ZYG11B: variants seen among roughly 807,000 people sequenced by gnomAD.
ZYG11B encodes the protein protein zyg-11 homolog B.
Under a neutral mutation model 82.4 loss-of-function variants are expected in ZYG11B, and 36 were observed. The ratio of observed to expected loss-of-function variants is 0.44; its 90% CI spans 0.33 to 0.58. ZYG11B has a LOEUF of 0.58. Ranked by LOEUF, ZYG11B falls within the 20% of genes least tolerant of loss-of-function variation. ZYG11B has a pLI of 0.02. For synonymous variants in ZYG11B, 303 were observed against 312.8 expected, an observed-to-expected ratio of 0.97 and a Z score of 0.33; for missense variants, 552 against 895.6, an observed-to-expected ratio of 0.62 and a Z score of 4.90.
chr1:52,746,327 G>A (rs983527806), intron 1 of ZYG11B, among the ~76,000 whole-genome samples: 4 of 152,092 alleles, frequency 2.6e-5, no homozygotes, highest in Non-Finnish European at 5.9e-5. Context: ...ACACAATCCT[G>A]CAAACAAAAA....
chr1:52,753,090 C>A (rs1644539902), intron 1 of ZYG11B, among the ~76,000 whole-genome samples: 1 of 152,124 alleles, frequency 6.6e-6, no homozygotes, highest in Non-Finnish European at 1.5e-5. Context: ...TCATGATCCA[C>A]CCACCTCGGC....
intron 2 of ZYG11B, among the ~76,000 whole-genome samples, chr1:52,760,355 G>A (rs1179438488): frequency 2.0e-5 from 3 of 152,070 alleles, no homozygotes; most frequent in Non-Finnish European, 4.4e-5. Context: ...GAGGCAGAGA[G>A]AATTGCTTGA....
At chr1:52,817,781 A>ATATATATG (rs1645240541) in intron 13 of ZYG11B, among the ~76,000 whole-genome samples, 1 of 21,500 alleles carries the variant, frequency 4.7e-5, no homozygotes, top group Non-Finnish European at 9.4e-5. Context: ...ATATGTGTAT[A>ATATATATG]TATATATATA....
intron 13 of ZYG11B, among the ~76,000 whole-genome samples, chr1:52,819,931 T>G (rs1409708141): frequency 2.6e-5 from 4 of 151,778 alleles, no homozygotes; most frequent in Non-Finnish European, 5.9e-5. Context: ...TTTATTTTTT[T>G]TTTGAGACGG....
chr1:52,786,992 A>G (rs560681198), intron 5 of ZYG11B, among the ~76,000 whole-genome samples: 1 of 152,200 alleles, frequency 6.6e-6, no homozygotes, highest in East Asian at 1.9e-4. Context: ...CGGGAGGCTG[A>G]GGCAGGAGAA....
chr1:52,821,099 A>G (rs1645279468), intron 13 of ZYG11B, among the ~76,000 whole-genome samples: 1 of 152,124 alleles, frequency 6.6e-6, no homozygotes, highest in East Asian at 1.9e-4. Context: ...AAAAAAAAAA[A>G]AAAAGCATAG....
chr1:52,824,142 AAAATT>A lies in ZYG11B; in HGVS notation c.*2517_*2521del. The stretch of plus-strand genomic sequence containing the variant: ...ACGGAGTGAGACTCTGGGGAAAAAA[AAAATT>A]AAACTTCCTACTTTTTTTCTTTTTG... On this transcript the variant is annotated 3_prime_UTR_variant, in exon 14 of 14. Coordinates refer to ENST00000294353, the MANE Select transcript of ZYG11B (RefSeq NM_024646.3). The A allele has an allele frequency of 6.6e-6, 1 of 152,068 alleles. No individual in the cohort carries two copies. Among genetic ancestry groups the A allele is most frequent in the Non-Finnish European group, 1.5e-5 (1 of 67,992 alleles). The allele number at this position is 152,068 out of a possible 1,614,324, so 9.4% of individuals were successfully genotyped here. A position where few individuals can be genotyped will look rare whatever the true frequency, so the allele number is the denominator to read the frequency against.
At chr1:52,807,302 A>G (rs1191246778) in intron 10 of ZYG11B, among the ~76,000 whole-genome samples, 1 of 151,464 alleles carries the variant, frequency 6.6e-6, no homozygotes, top group African/African-American at 2.4e-5. Context: ...ATCCCAGCCC[A>G]ATGTGATGTT....
chr1:52,739,994 A>G (rs1644411063), intron 1 of ZYG11B, among the ~76,000 whole-genome samples: 1 of 152,210 alleles, frequency 6.6e-6, no homozygotes, highest in Non-Finnish European at 1.5e-5. Flanking sequence ...AATTTTTCAG[A>G]TAAGGAAACT....
intron 2 of ZYG11B, among the ~76,000 whole-genome samples, chr1:52,770,706 C>G (rs1391479131): frequency 6.6e-6 from 1 of 152,144 alleles, no homozygotes; most frequent in Non-Finnish European, 1.5e-5. Flanking sequence ...GCACATGGCT[C>G]CAGCTAACTC....
intron 12 of ZYG11B, among the ~76,000 whole-genome samples, chr1:52,815,218 T>TG (rs1645213359): frequency 6.6e-6 from 1 of 152,112 alleles, no homozygotes; most frequent in Non-Finnish European, 1.5e-5. Flanking sequence ...AAGGGCATAC[T>TG]GGGCCTGGCA....
chr1:52,731,120 A>G (rs981110206), intron 1 of ZYG11B, among the ~76,000 whole-genome samples: 3 of 151,986 alleles, frequency 2.0e-5, no homozygotes, highest in African/African-American at 7.2e-5. Context: ...TAAAAATGCA[A>G]AAATAAGCTG....
intron 2 of ZYG11B, among the ~76,000 whole-genome samples, chr1:52,759,193 A>G (rs1644605702): frequency 6.6e-6 from 1 of 152,168 alleles, no homozygotes; most frequent in African/African-American, 2.4e-5. Context: ...CGGCCTCCCA[A>G]AGTGCTGGGA....
intron 4 of ZYG11B, among the ~76,000 whole-genome samples, chr1:52,784,653 A>C (rs1221858328): frequency 6.6e-6 from 1 of 152,104 alleles, no homozygotes; most frequent in Admixed American, 6.6e-5. Flanking sequence ...AGATTCATTA[A>C]CTTTACAGAA....
chr1:52,780,031 A>C (rs1644842136), intron 4 of ZYG11B, 38 bp downstream of exon 4: 1 of 1,598,954 alleles, frequency 6.3e-7, no homozygotes. Context: ...TTTTGAAATG[A>C]TCTCCCTGGG....
chr1:52,731,274 CAAAAAAAAAGAAAAA>C (rs1644330048), intron 1 of ZYG11B, among the ~76,000 whole-genome samples: 1 of 91,266 alleles, frequency 1.1e-5, no homozygotes, highest in Non-Finnish European at 2.0e-5. Context: ...GGCTCCATCT[CAAAAAAAAAGAAAAA>C]AAAAAAAAAG....
chr1:52,754,959 CTTTT>C (rs34416689), intron 1 of ZYG11B, among the ~76,000 whole-genome samples: 1 of 126,680 alleles, frequency 7.9e-6, no homozygotes, highest in Non-Finnish European at 1.6e-5. Flanking sequence ...AAAGCCTATT[CTTTT>C]TTTTTTTTTT....
At chr1:52,799,945 G>A (rs574933599) in intron 8 of ZYG11B, among the ~76,000 whole-genome samples, 17 of 152,194 alleles carry the variant, frequency 1.1e-4, no homozygotes, top group Middle Eastern at 3.4e-3. Context: ...GCAAATCACA[G>A]TTTTCTTTGG....
chr1:52,812,315 C>G (rs1427475486), intron 10 of ZYG11B, among the ~76,000 whole-genome samples: 1 of 152,098 alleles, frequency 6.6e-6, no homozygotes, highest in African/African-American at 2.4e-5. Context: ...TCTAAAGAGT[C>G]TTATACTTTG....
Sources: allele counts gnomAD v4.1 joint callset (sites outside exome capture counted in the v4.1 genomes callset), GRCh38; gene constraint gnomAD v4.1.1; transcripts MANE v1.5; gene names NCBI Gene and HGNC (gene_info 2026-07-23, HGNC 2026-07-21).